The following HIF1A variants were observed in gnomAD, a reference collection of about 807,000 sequenced individuals.
HIF1A encodes hypoxia-inducible factor 1-alpha.
In HIF1A, 24 loss-of-function variants were observed where a neutral mutation model predicts 92.7. That is an observed-to-expected ratio of 0.26 (90% CI 0.19 to 0.36). The LOEUF is 0.36. Among genes scored for constraint, HIF1A ranks in the 10% least tolerant of loss-of-function variants. HIF1A has a pLI of 1.00. For missense variants in HIF1A, 799 were observed against 998.5 expected, an observed-to-expected ratio of 0.80 and a Z score of 2.69; for synonymous variants, 319 against 338.7, an observed-to-expected ratio of 0.94 and a Z score of 0.64.
chr14:61,740,195 T>G (rs2301115), intron 10 of HIF1A: 96,744 of 158,830 alleles, frequency 0.61, 34,732 homozygotes, highest in Non-Finnish European at 0.77. Flanking sequence ...GCCTCCTGAG[T>G]AGCTGGGATT....
chr14:61,700,291 T>G (rs2044163477), intron 1 of HIF1A, among the ~76,000 whole-genome samples: 1 of 152,172 alleles, frequency 6.6e-6, no homozygotes. Context: ...TCTTACCCAT[T>G]AAACAACTCC....
In HIF1A at chr14:61,697,713, A is replaced by G. The variant is rs1417804841; in HGVS notation, c.35+1874A>G. 12 of 1,279,304 alleles carry G rather than the reference A, an allele frequency of 9.4e-6. No homozygotes were observed. The Admixed American group carries it at 4.3e-4, about 46-fold the overall frequency. 79.2% of individuals were successfully genotyped at this position (1,279,304 alleles called of 1,614,324 possible). ...ACTGAAAAATTAAGTTAAACACTTA[A>G]TAAGTGGTGGTTACTCAGCACTTTT... On this transcript the variant is annotated intron_variant, in intron 1 of 14. Coordinates refer to ENST00000337138, the MANE Select transcript of HIF1A (RefSeq NM_001530.4).
At chr14:61,705,309 A>T (rs1375181113) in intron 1 of HIF1A, among the ~76,000 whole-genome samples, 2 of 152,132 alleles carry the variant, frequency 1.3e-5, no homozygotes, top group African/African-American at 2.4e-5. Context: ...CTATGGAGAG[A>T]TCATTTAGAT....
In HIF1A at chr14:61,710,934, CCT is replaced by C. The variant is rs747126391; in HGVS notation, c.36-9447_36-9446del. Among the ~76,000 whole-genome samples, 53 of 151,866 alleles carry C rather than the reference CCT, an allele frequency of 3.5e-4. No individual in the cohort carries two copies. In the East Asian group the frequency reaches 3.9e-3, roughly 11 times the overall value. The stretch of plus-strand genomic sequence containing the variant: ...AATTAGCCGGGTGTGGTGGCAGGCG[CCT>C]GTAACCCCAGCTACTCAGGAAAATC... On this transcript the variant is annotated intron_variant, in intron 1 of 14. Transcript: ENST00000337138.
intron 1 of HIF1A, chr14:61,698,033 C>A: frequency 2.8e-6 from 2 of 711,142 alleles, no homozygotes; most frequent in Non-Finnish European, 4.1e-6. Flanking sequence ...TATTTAATAG[C>A]ACGTGCATTT....
At chr14:61,719,603 G>A (rs765214233) in intron 1 of HIF1A, among the ~76,000 whole-genome samples, 5 of 152,208 alleles carry the variant, frequency 3.3e-5, no homozygotes, top group Non-Finnish European at 5.9e-5. Flanking sequence ...TTTGCTTGGT[G>A]TGACAATGAA....
chr14:61,722,741 TA>T (rs1385917514), intron 4 of HIF1A, among the ~76,000 whole-genome samples: 3 of 152,242 alleles, frequency 2.0e-5, no homozygotes, highest in Admixed American at 6.5e-5. Context: ...AGTTAGATTA[TA>T]AAGTATTACA....
At chr14:61,719,932 C>T (rs532298747) in intron 1 of HIF1A, among the ~76,000 whole-genome samples, 3 of 152,244 alleles carry the variant, frequency 2.0e-5, no homozygotes, top group South Asian at 4.2e-4. Context: ...TAGCTATTAC[C>T]GTTCTACCTG....
Position 61,695,703 on chromosome 14 carries a change from T to G in HIF1A, c.-102T>G. ...CCGCCTCGCACCCCCACCTCTGGAC[T>G]TGCCTTTCCTTCTCTTCTCCGCGTG... On this transcript the variant is annotated 5_prime_UTR_variant, in exon 1 of 15. Coordinates refer to ENST00000337138, the MANE Select transcript of HIF1A (RefSeq NM_001530.4). 6 of 1,317,344 alleles carry G rather than the reference T, an allele frequency of 4.6e-6. No individual in the cohort carries two copies. The highest frequency in any genetic ancestry group is 6.3e-6 in the Non-Finnish European group (6 of 947,050). 81.6% of individuals were successfully genotyped at this position (1,317,344 alleles called of 1,614,324 possible). A position where few individuals can be genotyped will look rare whatever the true frequency, so the allele number is the denominator to read the frequency against.
Position 61,746,951 on chromosome 14 carries a change from C to G in HIF1A, c.2347C>G (p.Leu783Val). ...TTTTTCAGATTTAGCATGTAGACTG[C>G]TGGGGCAATCAATGGATGAAAGTGG... is the stretch of plus-strand genomic sequence containing the variant. Reference protein sequence around the residue: ...LIPSDLACRLLGQSMDESGLP... With the variant: ...LIPSDLACRLVGQSMDESGLP... The change falls in exon 15 of 15, where the codon CTG (leucine) becomes GTG (valine). Residue 783 changes from leucine (L) to valine (V), a missense_variant. Around this residue, in one of 2 missense-constraint regions of HIF1A, gnomAD observed 283 missense variants for 277.5 expected, o/e 1.02. Transcript: ENST00000337138. The G allele has an allele frequency of 6.2e-7, 1 of 1,611,258 alleles. No individual in the cohort carries two copies. The highest frequency in any genetic ancestry group is 8.5e-7 in the Non-Finnish European group (1 of 1,178,880).
intron 12 of HIF1A, among the ~76,000 whole-genome samples, chr14:61,744,470 GTC>G (rs2140160676): frequency 6.9e-6 from 1 of 144,998 alleles, no homozygotes; most frequent in South Asian, 2.2e-4. Context: ...CAGAGATCAC[GTC>G]TCTGCACTCC....
chr14:61,739,400 C>A (rs1314312226), intron 10 of HIF1A, among the ~76,000 whole-genome samples: 4 of 152,100 alleles, frequency 2.6e-5, no homozygotes, highest in African/African-American at 9.7e-5. Context: ...AGGAGTAGGG[C>A]AACTTAGATC....
intron 1 of HIF1A, among the ~76,000 whole-genome samples, chr14:61,703,669 A>G (rs765023322): frequency 2.6e-5 from 4 of 151,960 alleles, no homozygotes; most frequent in Non-Finnish European, 5.9e-5. Flanking sequence ...TAGTGTCTAT[A>G]TATCAGTTTC....
At chr14:61,726,428 T>C (rs2044505200) in intron 4 of HIF1A, 1 of 221,560 alleles carries the variant, frequency 4.5e-6, no homozygotes, top group African/African-American at 2.3e-5. Context: ...TTTTTATATT[T>C]CTGTGTATTT....
At chr14:61,713,015 C>G (rs2044324732) in intron 1 of HIF1A, among the ~76,000 whole-genome samples, 1 of 151,440 alleles carries the variant, frequency 6.6e-6, no homozygotes, top group South Asian at 2.1e-4. Flanking sequence ...AAAAGTTTCT[C>G]TTATAAATTT....
At chr14:61,699,958 C>T (rs946636053) in intron 1 of HIF1A, among the ~76,000 whole-genome samples, 1 of 151,916 alleles carries the variant, frequency 6.6e-6, no homozygotes, top group Middle Eastern at 3.2e-3. Context: ...TTTGTATATG[C>T]GTTGAGTATT....
chr14:61,724,987 TCTACATTGTGGACAAA>T (rs1226669662), intron 4 of HIF1A, among the ~76,000 whole-genome samples: 1 of 152,206 alleles, frequency 6.6e-6, no homozygotes, highest in Non-Finnish European at 1.5e-5. Context: ...CTACGTGTAC[TCTACATTGTGGACAAA>T]CTACTATATG....
chr14:61,699,849 T>G (rs1255698855), intron 1 of HIF1A, among the ~76,000 whole-genome samples: 1 of 152,182 alleles, frequency 6.6e-6, no homozygotes, highest in African/African-American at 2.4e-5. Context: ...TCAGTATTTT[T>G]GGTAAAAATA....
chr14:61,747,192 C>CT lies in HIF1A; in HGVS notation c.*107_*108insT, dbSNP rs2044804852. On this transcript the variant is annotated 3_prime_UTR_variant, in exon 15 of 15. Transcript: ENST00000337138. Reference sequence around the variant, plus strand: ...TTTTAGAAGCCTGGCTACAATACTGCACAAACTTGGTTAGTTCAATTTTGA... The same window carrying CT: ...TTTTAGAAGCCTGGCTACAATACTGCTACAAACTTGGTTAGTTCAATTTTGA... 1.1e-6 allele frequency: 1 copy of CT among 934,024 alleles called. No homozygotes were observed. The highest frequency in any genetic ancestry group is 1.9e-5 in the African/African-American group (1 of 52,906). The allele number at this position is 934,024 out of a possible 1,614,324, so 57.9% of individuals were successfully genotyped here.
Sources: allele counts gnomAD v4.1 joint callset (sites outside exome capture counted in the v4.1 genomes callset), GRCh38; gene constraint gnomAD v4.1.1; regional missense constraint gnomAD v4.1.1; transcripts MANE v1.5; gene names NCBI Gene and HGNC (gene_info 2026-07-23, HGNC 2026-07-21).